The following DPF3 variants were observed in gnomAD, a reference collection of about 807,000 sequenced individuals.
DPF3 encodes zinc finger protein DPF3.
Under a neutral mutation model 56.8 loss-of-function variants are expected in DPF3, and 18 were observed. The observed-to-expected ratio is 0.32, with a 90% CI of 0.22 to 0.47. The LOEUF (loss-of-function observed/expected upper bound fraction) is 0.47. Among genes scored for constraint, DPF3 ranks in the 20% least tolerant of loss-of-function variants. DPF3 has a pLI of 1.00. For synonymous variants in DPF3, 188 were observed against 180.2 expected (o/e 1.04, Z -0.35); for missense variants, 403 against 488.8 (o/e 0.82, Z 1.65).
Position 72,792,525 on chromosome 14 carries a change from G to A in DPF3, c.33-20632C>T, listed in dbSNP as rs538608952. Among the ~76,000 whole-genome samples, 28 of 152,226 alleles carry A rather than the reference G, an allele frequency of 1.8e-4. 1 individual carries two copies. In the South Asian group the frequency reaches 3.5e-3, roughly 19 times the overall value. Reference sequence around the variant, plus strand: ...CTCTTGCACACACACACCCCACAGCGCTTCCCCCACACAGCCCAAAATAGT... The same window carrying A: ...CTCTTGCACACACACACCCCACAGCACTTCCCCCACACAGCCCAAAATAGT... On this transcript the variant is annotated intron_variant, in intron 1 of 10. Coordinates refer to ENST00000556509, the MANE Select transcript of DPF3 (RefSeq NM_001280542.3).
At chr14:72,716,396 C>G (rs921133781) in intron 5 of DPF3, among the ~76,000 whole-genome samples, 2 of 152,128 alleles carry the variant, frequency 1.3e-5, no homozygotes, top group African/African-American at 2.4e-5. Context: ...CAGCAGCACT[C>G]TTAGGGTCTC....
At chr14:72,828,294 A>G (rs1197871911) in intron 1 of DPF3, among the ~76,000 whole-genome samples, 1 of 152,110 alleles carries the variant, frequency 6.6e-6, no homozygotes, top group Non-Finnish European at 1.5e-5. Context: ...AGGTTCATAG[A>G]GCTATGGGGA....
chr14:72,700,863 T>C (rs1167235430), intron 6 of DPF3, among the ~76,000 whole-genome samples: 1 of 152,170 alleles, frequency 6.6e-6, no homozygotes, highest in Admixed American at 6.5e-5. Flanking sequence ...AAAGCCCAGC[T>C]CATGGGGAGT....
chr14:72,772,042 C>G (rs2139944782), intron 1 of DPF3, 149 bp from the exon 2 acceptor site: 1 of 867,144 alleles, frequency 1.2e-6, no homozygotes, highest in East Asian at 3.3e-5. Flanking sequence ...AGAGCCTTGC[C>G]AATGAGCAGA....
chr14:72,674,767 G>A (rs1446364524), intron 7 of DPF3, among the ~76,000 whole-genome samples: 1 of 152,240 alleles, frequency 6.6e-6, no homozygotes, highest in Non-Finnish European at 1.5e-5. Flanking sequence ...GACAGGGAGA[G>A]GAAAGAGCCA....
At chr14:72,884,414 C>CA (rs1279284716) in intron 1 of DPF3, among the ~76,000 whole-genome samples, 1 of 152,098 alleles carries the variant, frequency 6.6e-6, no homozygotes, top group Non-Finnish European at 1.5e-5. Context: ...TATTGACTGC[C>CA]TGAGGAGGCC....
intron 1 of DPF3, among the ~76,000 whole-genome samples, chr14:72,805,595 C>G (rs1882739040): frequency 6.6e-6 from 1 of 151,948 alleles, no homozygotes; most frequent in Non-Finnish European, 1.5e-5. Context: ...CCTGTAATTC[C>G]AGCACTTTGG....
chr14:72,702,287 A>T (rs1299778646), intron 6 of DPF3, among the ~76,000 whole-genome samples: 1 of 151,926 alleles, frequency 6.6e-6, no homozygotes. Context: ...GAAGAAAAAC[A>T]CGTGGGGACT....
chr14:72,785,932 A>G (rs1320225489), intron 1 of DPF3, among the ~76,000 whole-genome samples: 1 of 152,234 alleles, frequency 6.6e-6, no homozygotes, highest in Non-Finnish European at 1.5e-5. Context: ...AATGTTAGAC[A>G]CTGTCTAGTC....
At chr14:72,817,021 T>C (rs1263285212) in intron 1 of DPF3, among the ~76,000 whole-genome samples, 3 of 152,198 alleles carry the variant, frequency 2.0e-5, no homozygotes, top group African/African-American at 7.2e-5. Context: ...ACCATTTTCA[T>C]TCCTCATCCC....
At chr14:72,708,461 T>A (rs555161135) in intron 6 of DPF3, among the ~76,000 whole-genome samples, 1 of 152,156 alleles carries the variant, frequency 6.6e-6, no homozygotes, top group East Asian at 1.9e-4. Context: ...GCAAGACAAC[T>A]GAGTGATGAG....
intron 2 of DPF3, among the ~76,000 whole-genome samples, chr14:72,755,851 G>A (rs17120297): frequency 0.022 from 3,288 of 152,242 alleles, 103 homozygotes; most frequent in African/African-American, 0.075. Context: ...CTCCTCAACA[G>A]GCTGACAGGC....
intron 2 of DPF3, among the ~76,000 whole-genome samples, chr14:72,770,895 T>TTGATATTATTATTGATTAC: frequency 6.6e-6 from 1 of 152,242 alleles, no homozygotes; most frequent in African/African-American, 2.4e-5. Context: ...TCAATAATAA[T>TTGATATTATTATTGATTAC]AGGCCAGGTG....
chr14:72,826,780 C>T (rs968515277), intron 1 of DPF3, among the ~76,000 whole-genome samples: 1 of 152,088 alleles, frequency 6.6e-6, no homozygotes, highest in Non-Finnish European at 1.5e-5. Context: ...CGGTGGCTCA[C>T]GCCTGTAGTT....
intron 4 of DPF3, among the ~76,000 whole-genome samples, chr14:72,725,377 G>A (rs746944245): frequency 2.2e-4 from 34 of 152,124 alleles, no homozygotes; most frequent in Non-Finnish European, 4.1e-4. Context: ...AACATGAGCT[G>A]AGAAGTTGAG....
chr14:72,792,611 A>G (rs1892485358), intron 1 of DPF3, among the ~76,000 whole-genome samples: 1 of 151,906 alleles, frequency 6.6e-6, no homozygotes, highest in East Asian at 1.9e-4. Flanking sequence ...GGTCCACATG[A>G]CTGCTGGCCA....
intron 8 of DPF3, chr14:72,670,823 C>T: frequency 8.9e-7 from 1 of 1,126,926 alleles, no homozygotes; most frequent in Non-Finnish European, 1.1e-6. Context: ...ACCCCCTCCC[C>T]TCAGAAAAGA....
rs17121665 is a variant in DPF3 at position 72,851,549 on chromosome 14, A to T, written c.32+42508T>A. On this transcript the variant is annotated intron_variant, in intron 1 of 10. Coordinates refer to ENST00000556509, the MANE Select transcript of DPF3 (RefSeq NM_001280542.3). ...TCCCCAAACCACAAGCAATTAACAT[A>T]TAAATGGCCTGGCAAAGGGACTTCT... Among the ~76,000 whole-genome samples, 299 of 152,326 alleles carry T rather than the reference A, an allele frequency of 2.0e-3. 4 individuals are homozygous for T. In the East Asian group the frequency reaches 0.044, roughly 23 times the overall value.
At chr14:72,832,540 C>G (rs1884104079) in intron 1 of DPF3, among the ~76,000 whole-genome samples, 1 of 152,178 alleles carries the variant, frequency 6.6e-6, no homozygotes, top group South Asian at 2.1e-4. Flanking sequence ...ATATTCTGGT[C>G]ACACCATGTA....
Sources: gnomAD v4.1 joint callset for allele counts (sites outside exome capture counted in the v4.1 genomes callset) on GRCh38, gnomAD v4.1.1 for gene constraint, MANE v1.5 for transcripts, NCBI Gene and HGNC (gene_info 2026-07-23, HGNC 2026-07-21) for gene names.